The following COLEC10 variants were observed in gnomAD, a reference collection of about 807,000 sequenced individuals.
COLEC10 encodes collectin subfamily member 10.
A neutral mutation model predicts 28.4 loss-of-function variants in COLEC10; 22 were observed. The observed-to-expected ratio is 0.78, with a 90% CI of 0.55 to 1.11. The LOEUF (loss-of-function observed/expected upper bound fraction) is 1.11, where lower values mean the gene tolerates loss of function less well. Among genes scored for constraint, COLEC10 ranks in the 50% least tolerant of loss-of-function variants. The pLI is 0.00. For synonymous variants in COLEC10, 125 were observed against 116.1 expected (o/e 1.08, Z -0.49); for missense variants, 361 against 344.1 (o/e 1.05, Z -0.39).
At chr8:119,081,745 G>A (rs1815374641) in intron 1 of COLEC10, among the ~76,000 whole-genome samples, 1 of 152,172 alleles carries the variant, frequency 6.6e-6, no homozygotes. Context: ...AAGTTCCACT[G>A]ATGCCAGCCT....
At chr8:119,075,800 A>T (rs1815217315) in intron 1 of COLEC10, among the ~76,000 whole-genome samples, 1 of 151,806 alleles carries the variant, frequency 6.6e-6, no homozygotes, top group African/African-American at 2.4e-5. Context: ...CCTAACTATG[A>T]AGAGAGGACC....
At chr8:119,068,233 A>C in intron 1 of COLEC10, 1 of 152,176 alleles carries the variant, frequency 6.6e-6, no homozygotes, top group Non-Finnish European at 1.5e-5. Flanking sequence ...AAGTAGAAAA[A>C]AGTGTTTTTC....
chr8:119,016,247 C>A, intron 2 of COLEC10, among the ~76,000 whole-genome samples: 1 of 152,062 alleles, frequency 6.6e-6, no homozygotes, highest in South Asian at 2.1e-4. Flanking sequence ...TCTCATTGTT[C>A]ACCTTCCGCT....
At chr8:119,062,251 A>C (rs1366504422), upstream of COLEC10, among the ~76,000 whole-genome samples, 5 of 152,134 alleles carry the variant, frequency 3.3e-5, no homozygotes. Context: ...TTTAGAAGTC[A>C]ATGAGTATCT....
chr8:119,091,204 G>A lies in COLEC10; in HGVS notation c.276G>A (p.Gly92=). The change falls in exon 3 of 6, where the codon GGG becomes GGA. Residue 92 remains glycine (G), a synonymous_variant. Coordinates refer to ENST00000332843, the MANE Select transcript of COLEC10 (RefSeq NM_006438.5). ...MGDQGNIGKT[G]PIGKKGDKGE... Reference sequence around the variant, plus strand: ...ATCAGGGCAATATTGGCAAGACTGGGCCCATTGGGAAGAAGGGTAAGTTGC... The same window carrying A: ...ATCAGGGCAATATTGGCAAGACTGGACCCATTGGGAAGAAGGGTAAGTTGC... 2 of 1,612,174 alleles carry A rather than the reference G, an allele frequency of 1.2e-6. No individual in the cohort carries two copies. The highest frequency in any genetic ancestry group is 1.7e-6 in the Non-Finnish European group (2 of 1,179,032).
At chr8:119,040,502 C>A (rs1814475621) in intron 2 of COLEC10, among the ~76,000 whole-genome samples, 1 of 152,022 alleles carries the variant, frequency 6.6e-6, no homozygotes, top group African/African-American at 2.4e-5. Context: ...ACAGCCCATC[C>A]CTCCTAGATT....
At position 119,108,274 on chromosome 8, in the gene COLEC10, A is replaced by G. The variant is rs529914153; in HGVS notation, c.*2083A>G. Among the ~76,000 whole-genome samples, 1 of 152,344 alleles carries G rather than the reference A, an allele frequency of 6.6e-6. No individual in the cohort carries two copies. Among genetic ancestry groups the G allele is most frequent in the South Asian group, 2.1e-4 (1 of 4,830 alleles). On this transcript the variant is annotated 3_prime_UTR_variant, in exon 6 of 6. Coordinates refer to ENST00000332843, the MANE Select transcript of COLEC10 (RefSeq NM_006438.5). ...AACCTAGAAACACCTGTAGGAAAAT[A>G]AAGCTCATATGTAAGAAGAGAGGAA...
chr8:119,021,570 T>C (rs1444737646), intron 2 of COLEC10, among the ~76,000 whole-genome samples: 1 of 152,132 alleles, frequency 6.6e-6, no homozygotes, highest in African/African-American at 2.4e-5. Context: ...CCTGAATGAG[T>C]GTGCATCTTG....
chr8:119,003,959 T>A (rs888703031), intron 1 of COLEC10, among the ~76,000 whole-genome samples: 1 of 152,032 alleles, frequency 6.6e-6, no homozygotes, highest in Non-Finnish European at 1.5e-5. Context: ...GACCATACAG[T>A]TGATTATGCA....
At chr8:119,052,609 G>C (rs1482460129) in intron 2 of COLEC10, among the ~76,000 whole-genome samples, 1 of 152,038 alleles carries the variant, frequency 6.6e-6, no homozygotes, top group Non-Finnish European at 1.5e-5. Flanking sequence ...AGAAGAATGA[G>C]ATCCTCAGAT....
chr8:118,981,475 C>T, the COLEC10 span, among the ~76,000 whole-genome samples: 1 of 151,868 alleles, frequency 6.6e-6, no homozygotes. Context: ...AATGGTTATA[C>T]TTAAATTTAA....
chr8:118,994,985 A>T (rs527472562), upstream of COLEC10, among the ~76,000 whole-genome samples: 2 of 152,264 alleles, frequency 1.3e-5, no homozygotes, highest in South Asian at 4.2e-4. Context: ...CAATGTGGGC[A>T]AAAGGGGAAA....
At chr8:119,098,209 G>A (rs532768516) in intron 3 of COLEC10, among the ~76,000 whole-genome samples, 1 of 151,960 alleles carries the variant, frequency 6.6e-6, no homozygotes, top group Non-Finnish European at 1.5e-5. Flanking sequence ...TAAAGCTAAG[G>A]ATCTTAAGCA....
At chr8:119,027,001 G>C (rs1814203385) in intron 2 of COLEC10, among the ~76,000 whole-genome samples, 1 of 152,112 alleles carries the variant, frequency 6.6e-6, no homozygotes, top group African/African-American at 2.4e-5. Flanking sequence ...GGTCCTAAAG[G>C]GAGTCTGGGT....
chr8:118,953,407 A>G, the COLEC10 span, among the ~76,000 whole-genome samples: 1 of 152,164 alleles, frequency 6.6e-6, no homozygotes, highest in African/African-American at 2.4e-5. Flanking sequence ...ACACAATATA[A>G]ATAGCAGTAT....
chr8:118,974,994 A>G, the COLEC10 span, among the ~76,000 whole-genome samples: 2 of 152,074 alleles, frequency 1.3e-5, no homozygotes, highest in African/African-American at 4.8e-5. Context: ...GCACAAAACA[A>G]AACAAAAATG....
chr8:118,952,657 A>C, the COLEC10 span, among the ~76,000 whole-genome samples: 2 of 152,330 alleles, frequency 1.3e-5, no homozygotes, highest in South Asian at 4.1e-4. Flanking sequence ...TGGGGCAGGG[A>C]TAACCTTGCG....
At chr8:118,983,348 G>C in the COLEC10 span, among the ~76,000 whole-genome samples, 5 of 152,122 alleles carry the variant, frequency 3.3e-5, no homozygotes, top group Admixed American at 1.3e-4. Flanking sequence ...AGTGAAGATA[G>C]GGAGGAGTTA....
the COLEC10 span, among the ~76,000 whole-genome samples, chr8:118,986,419 C>A: frequency 1.3e-5 from 2 of 152,052 alleles, no homozygotes; most frequent in African/African-American, 2.4e-5. Flanking sequence ...ATTGAAAATG[C>A]AGAAGAAAAC....
Sources: gnomAD v4.1 joint callset for allele counts (sites outside exome capture counted in the v4.1 genomes callset) on GRCh38, gnomAD v4.1.1 for gene constraint, MANE v1.5 for transcripts, NCBI Gene and HGNC (gene_info 2026-07-23, HGNC 2026-07-21) for gene names.